The following PSD3 variants were observed in gnomAD, a reference collection of about 807,000 sequenced individuals.
PSD3 encodes pleckstrin and Sec7 domain containing 3.
A neutral mutation model predicts 105.5 loss-of-function variants in PSD3; 49 were observed. The ratio of observed to expected loss-of-function variants is 0.46; its 90% confidence interval spans 0.37 to 0.59. The LOEUF (loss-of-function observed/expected upper bound fraction) is 0.59, where lower values mean the gene tolerates loss of function less well. Among genes scored for constraint, PSD3 ranks in the 20% least tolerant of loss-of-function variants. The pLI is 0.00. For missense variants in PSD3, 1,561 were observed against 1,263.8 expected (o/e 1.24, Z -3.57); for synonymous variants, 557 against 457.8 (o/e 1.22, Z -2.77).
At chr8:18,539,015 A>G (rs1316685878) in intron 15 of PSD3, among the ~76,000 whole-genome samples, 2 of 152,348 alleles carry the variant, frequency 1.3e-5, no homozygotes, top group East Asian at 3.9e-4. Flanking sequence ...TGACTTAAAA[A>G]AGGCTTATAG....
chr8:18,553,418 T>C (rs546308955), intron 15 of PSD3, among the ~76,000 whole-genome samples: 1 of 152,348 alleles, frequency 6.6e-6, no homozygotes, highest in South Asian at 2.1e-4. Context: ...CTGGTCCTGT[T>C]AAAACAATGA....
chr8:18,784,892 C>A (rs777711733), intron 8 of PSD3, among the ~76,000 whole-genome samples: 3 of 152,124 alleles, frequency 2.0e-5, no homozygotes, highest in South Asian at 4.1e-4. Context: ...AATCAATGGT[C>A]AGTGGTATTA....
chr8:18,845,940 TA>T (rs1337191736), intron 4 of PSD3, among the ~76,000 whole-genome samples: 1 of 152,230 alleles, frequency 6.6e-6, no homozygotes, highest in Non-Finnish European at 1.5e-5. Context: ...AATGCATTTG[TA>T]ATAATCTCCA....
intron 8 of PSD3, among the ~76,000 whole-genome samples, chr8:18,787,427 C>T (rs1377446551): frequency 6.6e-6 from 1 of 152,026 alleles, no homozygotes; most frequent in African/African-American, 2.4e-5. Context: ...TGGATCATTA[C>T]CTTTAAAATC....
chr8:18,881,501 C>G (rs1224590672), intron 2 of PSD3, among the ~76,000 whole-genome samples: 1 of 152,106 alleles, frequency 6.6e-6, no homozygotes, highest in Admixed American at 6.5e-5. Flanking sequence ...TCAAGAAAAA[C>G]AAAATATAAG....
chr8:19,077,618 G>C (rs1462013537), intron 1 of PSD3, among the ~76,000 whole-genome samples: 3 of 152,146 alleles, frequency 2.0e-5, no homozygotes, highest in South Asian at 2.1e-4. Context: ...CGATTGCTTT[G>C]TATAAATGTT....
chr8:18,914,593 C>A (rs1279267692), intron 2 of PSD3, among the ~76,000 whole-genome samples: 1 of 151,962 alleles, frequency 6.6e-6, no homozygotes, highest in African/African-American at 2.4e-5. Context: ...AAAAAGATAT[C>A]AAAAAATAAT....
At chr8:19,065,919 C>T (rs535911769) in intron 1 of PSD3, among the ~76,000 whole-genome samples, 12 of 152,204 alleles carry the variant, frequency 7.9e-5, no homozygotes, top group Non-Finnish European at 1.5e-5. Flanking sequence ...CGCCTCCAAT[C>T]TGAAGCTACC....
At chr8:18,969,567 C>T (rs1010183244) in intron 1 of PSD3, among the ~76,000 whole-genome samples, 11 of 152,278 alleles carry the variant, frequency 7.2e-5, no homozygotes, top group African/African-American at 2.6e-4. Flanking sequence ...GGTCATATAC[C>T]TTCTTTGTTT....
At chr8:18,799,963 G>A (rs1810538860) in intron 7 of PSD3, among the ~76,000 whole-genome samples, 1 of 152,026 alleles carries the variant, frequency 6.6e-6, no homozygotes, top group African/African-American at 2.4e-5. Context: ...TTAAAGCCAG[G>A]GTATTTTCAA....
intron 9 of PSD3, among the ~76,000 whole-genome samples, chr8:18,759,475 C>T (rs1483510219): frequency 6.6e-6 from 1 of 152,048 alleles, no homozygotes; most frequent in Non-Finnish European, 1.5e-5. Flanking sequence ...TCTGTTCTTT[C>T]CATCAATAAG....
At chr8:18,949,396 AT>A (rs1563454130) in intron 1 of PSD3, among the ~76,000 whole-genome samples, 2 of 150,354 alleles carry the variant, frequency 1.3e-5, no homozygotes, top group African/African-American at 4.9e-5. Flanking sequence ...CAGAAAAAAA[AT>A]AATCTCCTAG....
Position 18,894,046 on chromosome 8 carries a change from T to C in PSD3, c.131-21313A>G, listed in dbSNP as rs145270210. 3.2e-3 allele frequency among the ~76,000 whole-genome samples: 488 copies of C among 152,306 alleles called. 4 individuals are homozygous for C. The highest frequency in any genetic ancestry group is 0.011 in the African/African-American group (478 of 41,576). On this transcript the variant is annotated intron_variant, in intron 2 of 15. Transcript: ENST00000327040. The stretch of plus-strand genomic sequence containing the variant: ...AATGTACCCTAAGTCAGTCAATATA[T>C]ATAAATTGCTTAAAACAGTGCCCAG...
Position 18,959,212 on chromosome 8 carries a change from C to A in PSD3, c.22-23070G>T, listed in dbSNP as rs186974246. On this transcript the variant is annotated intron_variant, in intron 1 of 15. Transcript: ENST00000327040. ...CTGGGATTACGGGCGTGAGCCACCA[C>A]GTCCAGCTTAAGTGGAGGTTCTTAA... 2.7e-4 allele frequency among the ~76,000 whole-genome samples: 41 copies of A among 152,124 alleles called. 1 individual carries two copies. The highest frequency in any genetic ancestry group is 2.0e-4 in the Admixed American group (3 of 15,264).
intron 9 of PSD3, among the ~76,000 whole-genome samples, chr8:18,689,365 G>C (rs1800843895): frequency 6.6e-6 from 1 of 152,132 alleles, no homozygotes; most frequent in Non-Finnish European, 1.5e-5. Flanking sequence ...GTATCAAACG[G>C]CACCCAGGCA....
At chr8:18,955,208 G>A (rs1024479690) in intron 1 of PSD3, among the ~76,000 whole-genome samples, 4 of 152,164 alleles carry the variant, frequency 2.6e-5, no homozygotes, top group African/African-American at 7.2e-5. Context: ...ATCTGAAGGG[G>A]CAGCACCACA....
chr8:18,653,085 C>T (rs568058629), intron 10 of PSD3, among the ~76,000 whole-genome samples: 8 of 152,176 alleles, frequency 5.3e-5, no homozygotes, highest in African/African-American at 1.9e-4. Flanking sequence ...AGCTAGCATT[C>T]ATTCCAAGAC....
chr8:18,764,021 C>T (rs1190305677), intron 9 of PSD3, among the ~76,000 whole-genome samples: 1 of 152,166 alleles, frequency 6.6e-6, no homozygotes, highest in Non-Finnish European at 1.5e-5. Flanking sequence ...TGAACAGTAG[C>T]CTCTGGACTG....
rs533561944 is a variant in PSD3 at position 18,953,464 on chromosome 8, A to G, written c.22-17322T>C. Among the ~76,000 whole-genome samples the G allele has an allele frequency of 4.0e-4, 61 of 152,324 alleles. No homozygotes were observed. In the South Asian group the frequency reaches 0.012, roughly 30 times the overall value. ...TGTCCATCAATATACAAATGGCTAA[A>G]TAGGCCGGGTGTGGTGGCTCACGCC... On this transcript the variant is annotated intron_variant, in intron 1 of 15. Transcript: ENST00000327040.
Sources: allele counts gnomAD v4.1 joint callset (sites outside exome capture counted in the v4.1 genomes callset), GRCh38; gene constraint gnomAD v4.1.1; transcripts MANE v1.5; gene names NCBI Gene and HGNC (gene_info 2026-07-23, HGNC 2026-07-21).